The following CDH13 variants were observed in gnomAD, a reference collection of about 807,000 sequenced individuals.
The protein encoded by CDH13 is cadherin 13.
In CDH13, 24 loss-of-function variants were observed where a neutral mutation model predicts 63.8. That is an observed-to-expected ratio of 0.38 (90% CI 0.27 to 0.53). CDH13 has a LOEUF of 0.53. CDH13 is among the 20% of genes least tolerant of loss of function. CDH13 has a pLI of 0.85. For missense variants in CDH13, 1,049 were observed against 903.1 expected, an observed-to-expected ratio of 1.16 and a Z score of -2.07; for synonymous variants, 503 against 355.3, an observed-to-expected ratio of 1.42 and a Z score of -4.67.
chr16:82,891,327 C>G (rs796545521), intron 2 of CDH13, among the ~76,000 whole-genome samples: 11 of 152,248 alleles, frequency 7.2e-5, no homozygotes, highest in African/African-American at 2.6e-4. Context: ...ATTTCCCATC[C>G]TCTTTTTATC....
intron 2 of CDH13, among the ~76,000 whole-genome samples, chr16:82,905,807 C>A (rs973529918): frequency 6.6e-6 from 1 of 152,106 alleles, no homozygotes; most frequent in African/African-American, 2.4e-5. Flanking sequence ...TTATTTTGCA[C>A]TTGTGGCATG....
chr16:83,707,711 G>T (rs1054787377), intron 10 of CDH13, among the ~76,000 whole-genome samples: 2 of 151,592 alleles, frequency 1.3e-5, no homozygotes, highest in African/African-American at 4.9e-5. Flanking sequence ...TCTGGTGGCC[G>T]TTCAATAAAA....
At chr16:83,112,289 G>A (rs1311473766) in intron 3 of CDH13, among the ~76,000 whole-genome samples, 4 of 152,166 alleles carry the variant, frequency 2.6e-5, no homozygotes, top group Admixed American at 2.6e-4. Context: ...CCGTTGGCAG[G>A]GAACTGCACT....
At chr16:83,630,960 T>C (rs138933882) in intron 8 of CDH13, among the ~76,000 whole-genome samples, 2 of 152,254 alleles carry the variant, frequency 1.3e-5, no homozygotes, top group African/African-American at 4.8e-5. Flanking sequence ...CCAAGGTCAA[T>C]AATATATGGC....
intron 8 of CDH13, among the ~76,000 whole-genome samples, chr16:83,624,404 C>T (rs1254767235): frequency 6.7e-6 from 1 of 150,128 alleles, no homozygotes; most frequent in Non-Finnish European, 1.5e-5. Flanking sequence ...TTTCGTAGAA[C>T]ACAATTTTTT....
At chr16:83,474,072 T>TG (rs1214825007) in intron 6 of CDH13, among the ~76,000 whole-genome samples, 1 of 152,172 alleles carries the variant, frequency 6.6e-6, no homozygotes, top group Admixed American at 6.5e-5. Context: ...GTAGTGATGA[T>TG]GGAGTGGTTA....
chr16:82,698,843 G>A (rs2030651182), intron 1 of CDH13, among the ~76,000 whole-genome samples: 1 of 152,178 alleles, frequency 6.6e-6, no homozygotes, highest in Non-Finnish European at 1.5e-5. Context: ...AGGACAGATA[G>A]TAAATATTTT....
intron 11 of CDH13, among the ~76,000 whole-genome samples, chr16:83,751,621 G>C (rs1913093530): frequency 6.6e-6 from 1 of 152,200 alleles, no homozygotes; most frequent in African/African-American, 2.4e-5. Context: ...GCCTGCAGTG[G>C]GTAAATGTGT....
chr16:83,259,589 C>G (rs1240287342), intron 5 of CDH13, among the ~76,000 whole-genome samples: 2 of 152,198 alleles, frequency 1.3e-5, no homozygotes, highest in Non-Finnish European at 2.9e-5. Flanking sequence ...CAGAGAAACA[C>G]TTGAAAATCA....
At chr16:83,713,498 T>G (rs1366320776) in intron 10 of CDH13, among the ~76,000 whole-genome samples, 1 of 150,402 alleles carries the variant, frequency 6.6e-6, no homozygotes, top group Middle Eastern at 3.5e-3. Context: ...TCTCTCAACT[T>G]TTCTCGTCAC....
At chr16:82,705,356 T>A (rs1208794301) in intron 1 of CDH13, 1 of 349,556 alleles carries the variant, frequency 2.9e-6, no homozygotes, top group African/African-American at 2.1e-5. Context: ...ATATAACAAT[T>A]AGAATTCAAT....
At chr16:82,708,229 G>C (rs1029384497) in intron 1 of CDH13, among the ~76,000 whole-genome samples, 2 of 152,232 alleles carry the variant, frequency 1.3e-5, no homozygotes, top group Non-Finnish European at 2.9e-5. Context: ...ACAGCTGTGA[G>C]TGACGCTGCG....
chr16:83,021,912 G>A (rs1915383537), intron 2 of CDH13, among the ~76,000 whole-genome samples: 1 of 152,174 alleles, frequency 6.6e-6, no homozygotes, highest in Admixed American at 6.5e-5. Context: ...TGTGCTTCTT[G>A]ATTCACTCAT....
chr16:82,731,592 A>G (rs960573611), intron 1 of CDH13, among the ~76,000 whole-genome samples: 1 of 152,232 alleles, frequency 6.6e-6, no homozygotes, highest in African/African-American at 2.4e-5. Context: ...GTTTATTTTC[A>G]ATCTTGCTTG....
chr16:83,067,192 T>C (rs1485228435), intron 3 of CDH13, among the ~76,000 whole-genome samples: 2 of 152,196 alleles, frequency 1.3e-5, no homozygotes, highest in East Asian at 1.9e-4. Flanking sequence ...ATTCTCTTCC[T>C]ATCAAATCTT....
intron 6 of CDH13, among the ~76,000 whole-genome samples, chr16:83,369,470 G>T (rs563387985): frequency 6.6e-6 from 1 of 152,208 alleles, no homozygotes; most frequent in Admixed American, 6.5e-5. Flanking sequence ...CCAGTCTAGA[G>T]TACAGTAGTG....
At chr16:82,992,951 C>A (rs111626826) in intron 2 of CDH13, among the ~76,000 whole-genome samples, 2 of 152,104 alleles carry the variant, frequency 1.3e-5, no homozygotes, top group Non-Finnish European at 2.9e-5. Context: ...GAGACCACCC[C>A]ACGTGTCCAT....
chr16:82,646,890 G>A (rs900019947), intron 1 of CDH13, among the ~76,000 whole-genome samples: 5 of 152,206 alleles, frequency 3.3e-5, no homozygotes, highest in African/African-American at 1.2e-4. Context: ...GCACGTTCAG[G>A]GGGTAATGAA....
chr16:82,854,060 C>T (rs1013443147), intron 1 of CDH13, among the ~76,000 whole-genome samples: 1 of 152,076 alleles, frequency 6.6e-6, no homozygotes, highest in Non-Finnish European at 1.5e-5. Context: ...GAGCGGATAT[C>T]GGTGGCAAGT....
Sources: allele counts gnomAD v4.1 joint callset (sites outside exome capture counted in the v4.1 genomes callset), GRCh38; gene constraint gnomAD v4.1.1; transcripts MANE v1.5; gene names NCBI Gene and HGNC (gene_info 2026-07-23, HGNC 2026-07-21).